Variants in SYT14 observed in about 807,000 individuals in gnomAD.
The protein encoded by SYT14 is synaptotagmin 14.
Under a neutral mutation model 74.2 loss-of-function variants are expected in SYT14, and 32 were observed. The observed-to-expected ratio is 0.43, with a 90% CI of 0.33 to 0.58. The LOEUF (loss-of-function observed/expected upper bound fraction) is 0.58, where lower values mean the gene tolerates loss of function less well. SYT14 is among the 20% of genes least tolerant of loss of function. SYT14 has a pLI of 0.05. For missense variants in SYT14, 791 were observed against 981.8 expected (o/e 0.81, Z 2.60); for synonymous variants, 298 against 337.7 (o/e 0.88, Z 1.29).
exon 10 of SYT14, chr1:210,166,705 A>G (rs1021299245): frequency 6.6e-6 from 1 of 152,174 alleles, no homozygotes; most frequent in Non-Finnish European, 1.5e-5. Flanking sequence ...CAGAGATTCT[A>G]CTTCATTTGG....
At chr1:209,954,104 A>G (rs982885207) in intron 2 of SYT14, among the ~76,000 whole-genome samples, 2 of 152,250 alleles carry the variant, frequency 1.3e-5, no homozygotes, top group African/African-American at 4.8e-5. Flanking sequence ...AGCCAAAGAC[A>G]CAGTAAAGCT....
At chr1:210,015,837 A>C (rs948416722) in exon 4 of SYT14, 7 of 1,193,684 alleles carry the variant, frequency 5.9e-6, no homozygotes, top group Admixed American at 8.5e-5. Flanking sequence ...ATTTCTTTCA[A>C]TGCATAATGT....
At chr1:210,005,032 G>A (rs187572591) in intron 2 of SYT14, among the ~76,000 whole-genome samples, 3 of 151,954 alleles carry the variant, frequency 2.0e-5, no homozygotes, top group South Asian at 2.1e-4. Flanking sequence ...GAACTATGCC[G>A]GACTCATTTA....
At chr1:210,100,504 G>A (rs1265797756) in intron 7 of SYT14, 43 bp downstream of exon 6, 17 of 1,572,788 alleles carry the variant, frequency 1.1e-5, no homozygotes, top group Non-Finnish European at 1.5e-5. Flanking sequence ...TTATGTTCAT[G>A]GTTTATAGTA....
chr1:210,164,172 C>T (rs557260026), exon 10 of SYT14: 100 of 391,998 alleles, frequency 2.6e-4, no homozygotes, highest in South Asian at 1.7e-3. Flanking sequence ...ATTCTTGTGT[C>T]TTCAGTACAA....
intron 2 of SYT14, among the ~76,000 whole-genome samples, chr1:210,007,429 A>T (rs1472815704): frequency 1.3e-5 from 2 of 151,982 alleles, no homozygotes; most frequent in African/African-American, 4.8e-5. Flanking sequence ...TTTTAAATTC[A>T]TATTTGTTTT....
chr1:210,041,016 G>T (rs1462676976), intron 5 of SYT14, among the ~76,000 whole-genome samples: 1 of 152,088 alleles, frequency 6.6e-6, no homozygotes, highest in Non-Finnish European at 1.5e-5. Flanking sequence ...GCCACCTTTA[G>T]TTTTTTTCAG....
At chr1:210,016,013 T>C in exon 4 of SYT14, 3 of 1,232,070 alleles carry the variant, frequency 2.4e-6, no homozygotes, top group Non-Finnish European at 3.0e-6. Flanking sequence ...AATGGCATTT[T>C]TCAGAAATTT....
chr1:210,156,236 G>A (rs749977731), intron 8 of SYT14, among the ~76,000 whole-genome samples: 25 of 152,170 alleles, frequency 1.6e-4, no homozygotes, highest in Admixed American at 1.0e-3. Context: ...GAACAGGAAT[G>A]TATATAGCTA....
chr1:209,979,350 C>G (rs1381788536), intron 2 of SYT14, among the ~76,000 whole-genome samples: 5 of 152,190 alleles, frequency 3.3e-5, no homozygotes, highest in Non-Finnish European at 5.9e-5. Flanking sequence ...TTGGCTCCAC[C>G]TGATAGATCT....
chr1:210,152,774 T>G (rs1457937770), intron 7 of SYT14, among the ~76,000 whole-genome samples: 1 of 152,206 alleles, frequency 6.6e-6, no homozygotes, highest in African/African-American at 2.4e-5. Context: ...TGTGAATTAC[T>G]TTTTTGCTTT....
chr1:210,041,179 A>G (rs149820056), intron 5 of SYT14, among the ~76,000 whole-genome samples: 1 of 152,304 alleles, frequency 6.6e-6, no homozygotes, highest in East Asian at 1.9e-4. Context: ...TTGGGAAAAC[A>G]TGTAAGGATA....
chr1:210,060,628 C>CA (rs1222004626), intron 5 of SYT14, among the ~76,000 whole-genome samples: 7 of 151,560 alleles, frequency 4.6e-5, no homozygotes, highest in African/African-American at 1.7e-4. Flanking sequence ...TACTTGTGGG[C>CA]AAAAAATATG....
Position 209,952,694 on chromosome 1 carries a change from AACTTTTTTT to A in SYT14, c.-533-13_-533-5del, listed in dbSNP as rs764291630. ...CTTTCTATGTTTTTAACTTCCCATA[AACTTTTTTT>A]AATAGGTGGAGAGAGAACCTGTGGA... On this transcript the variant is annotated splice_region_variant and splice_polypyrimidine_tract_variant and intron_variant, in intron 1 of 9. Coordinates refer to ENST00000637265, the Ensembl canonical transcript of SYT14. 2.5e-6 allele frequency: 4 copies of A among 1,604,034 alleles called. No individual in the cohort carries two copies. Among genetic ancestry groups the A allele is most frequent in the Non-Finnish European group, 3.4e-6 (4 of 1,172,876 alleles).
chr1:210,035,013 A>T (rs1322447136), intron 5 of SYT14, among the ~76,000 whole-genome samples: 1 of 151,870 alleles, frequency 6.6e-6, no homozygotes, highest in East Asian at 1.9e-4. Context: ...TGCTGGATTG[A>T]ATGGTAGATC....
chr1:210,060,582 T>C (rs891992030), intron 5 of SYT14, among the ~76,000 whole-genome samples: 5 of 152,098 alleles, frequency 3.3e-5, no homozygotes, highest in Admixed American at 6.6e-5. Flanking sequence ...CAATTACTTA[T>C]TTACCTTTAG....
At chr1:210,125,759 A>G (rs1482894694) in intron 7 of SYT14, among the ~76,000 whole-genome samples, 1 of 152,260 alleles carries the variant, frequency 6.6e-6, no homozygotes, top group Non-Finnish European at 1.5e-5. Context: ...TATTAATGAT[A>G]GAATAAGAGG....
At chr1:210,026,013 A>G (rs1372317111) in intron 5 of SYT14, among the ~76,000 whole-genome samples, 1 of 152,124 alleles carries the variant, frequency 6.6e-6, no homozygotes, top group Admixed American at 6.5e-5. Flanking sequence ...TGAAATACAC[A>G]TATTCTAGAA....
At chr1:210,120,756 T>G (rs2082444150) in intron 7 of SYT14, among the ~76,000 whole-genome samples, 2 of 152,212 alleles carry the variant, frequency 1.3e-5, no homozygotes, top group South Asian at 4.1e-4. Flanking sequence ...AAGATATATT[T>G]TACTTTATGG....
Sources: allele counts gnomAD v4.1 joint callset (sites outside exome capture counted in the v4.1 genomes callset), GRCh38; gene constraint gnomAD v4.1.1; transcripts MANE v1.5; gene names NCBI Gene and HGNC (gene_info 2026-07-23, HGNC 2026-07-21).